VPS54: variants seen among roughly 807,000 people sequenced by gnomAD.
VPS54 encodes the protein vacuolar protein sorting-associated protein 54.
A neutral mutation model predicts 121.5 loss-of-function variants in VPS54; 45 were observed. The observed-to-expected ratio is 0.37, with a 90% CI of 0.29 to 0.47. The LOEUF (loss-of-function observed/expected upper bound fraction) is 0.47, where lower values mean the gene tolerates loss of function less well. Ranked by LOEUF, VPS54 falls within the 20% of genes least tolerant of loss-of-function variation. VPS54 has a pLI of 0.99. For missense variants in VPS54, 1,090 were observed against 1,131.4 expected (o/e 0.96, Z 0.52); for synonymous variants, 371 against 385.8 (o/e 0.96, Z 0.45).
intron 4 of VPS54, among the ~76,000 whole-genome samples, chr2:63,971,413 A>G (rs1171461230): frequency 2.0e-5 from 3 of 152,224 alleles, no homozygotes; most frequent in African/African-American, 4.8e-5. Context: ...TCCTTACCAC[A>G]GCATATAAGG....
chr2:63,894,340 G>A (rs1672350101), intron 22 of VPS54, among the ~76,000 whole-genome samples: 1 of 152,124 alleles, frequency 6.6e-6, no homozygotes, highest in African/African-American at 2.4e-5. Flanking sequence ...CTTCAGTATG[G>A]CATGGTTATA....
Position 63,919,934 on chromosome 2 carries a change from C to T in VPS54, c.2113G>A (p.Val705Ile). 6.2e-7 allele frequency: 1 copy of T among 1,612,062 alleles called. No individual in the cohort carries two copies. The highest frequency in any genetic ancestry group is 8.5e-7 in the Non-Finnish European group (1 of 1,178,674). The change falls in exon 15 of 23, where the codon GTT becomes ATT. Residue 705 changes from valine (V) to isoleucine (I), a missense_variant. Coordinates refer to ENST00000272322, the MANE Select transcript of VPS54 (RefSeq NM_016516.3). ...ADVPAEFQDLVDSLSDGKIAL... is the reference protein window; with the variant it reads ...ADVPAEFQDLIDSLSDGKIAL... ...ATCTTCCCATCTGACAGAGAATCAA[C>T]AAGATCCTGAAATTCTGCAGGAACA...
intron 4 of VPS54, among the ~76,000 whole-genome samples, chr2:63,969,227 T>C (rs1676154234): frequency 1.3e-5 from 2 of 152,054 alleles, no homozygotes; most frequent in Admixed American, 6.5e-5. Context: ...AACAGCAAAA[T>C]ACATCTCAAA....
At chr2:63,950,632 A>C (rs192347916) in intron 7 of VPS54, among the ~76,000 whole-genome samples, 191 of 152,266 alleles carry the variant, frequency 1.3e-3, no homozygotes, top group Non-Finnish European at 1.6e-3. Context: ...TCTCCCTTTG[A>C]AGCTTGTGGG....
intron 6 of VPS54, among the ~76,000 whole-genome samples, chr2:63,965,361 A>G (rs1258242078): frequency 6.6e-6 from 1 of 152,206 alleles, no homozygotes; most frequent in East Asian, 1.9e-4. Flanking sequence ...CTGTAGTCCC[A>G]GCTACTTGGG....
intron 12 of VPS54, 67 bp downstream of exon 12, chr2:63,933,606 A>G (rs763072994): frequency 1.8e-4 from 258 of 1,410,220 alleles, no homozygotes; most frequent in East Asian, 1.8e-4. Flanking sequence ...TGAATAATCA[A>G]TCTTACTGAA....
rs761577128 is a variant in VPS54 at position 63,981,730 on chromosome 2, A to G, written c.294T>C (p.Phe98=). The change falls in exon 3 of 23, where the codon TTT becomes TTC. Residue 98 remains phenylalanine, a synonymous_variant. Coordinates refer to ENST00000272322, the MANE Select transcript of VPS54 (RefSeq NM_016516.3). ...DFFTKTWGLD[F]VDTEVIPSFY... is the part of the protein sequence containing the mutation. ...ATGAAGGTATGACTTCAGTGTCCAC[A>G]AAGTCCAATCCCCATGTTTTTGTGA... is the stretch of plus-strand genomic sequence containing the variant. The G allele has an allele frequency of 3.1e-6, 5 of 1,613,778 alleles. No individual in the cohort carries two copies. The highest frequency in any genetic ancestry group is 4.2e-6 in the Non-Finnish European group (5 of 1,179,780).
intron 21 of VPS54, among the ~76,000 whole-genome samples, chr2:63,899,186 A>G (rs1033103691): frequency 2.0e-5 from 3 of 152,224 alleles, no homozygotes; most frequent in Non-Finnish European, 4.4e-5. Flanking sequence ...CAGCGTAATA[A>G]ATGATGTAAG....
At chr2:63,914,139 T>C in intron 17 of VPS54, 43 bp downstream of exon 17, 2 of 1,484,522 alleles carry the variant, frequency 1.3e-6, no homozygotes, top group Admixed American at 1.7e-5. Context: ...AATGTATTAA[T>C]TCCTCGAAAA....
intron 1 of VPS54, among the ~76,000 whole-genome samples, chr2:63,985,779 A>T (rs1420511991): frequency 6.6e-6 from 1 of 152,124 alleles, no homozygotes; most frequent in East Asian, 1.9e-4. Context: ...GTTTGGTGGC[A>T]AAAGTTCTGT....
In VPS54 at chr2:63,962,432, A is replaced by G. The variant is rs17028275; in HGVS notation, c.636T>C (p.Tyr212=). 81,025 of 1,609,902 alleles carry G rather than the reference A, an allele frequency of 0.05. 5,064 individuals are homozygous for G. The highest frequency in any genetic ancestry group is 0.31 in the African/African-American group (23,020 of 74,808). The change falls in exon 7 of 23, where the codon TAT becomes TAC. Residue 212 remains tyrosine, a synonymous_variant. Coordinates refer to ENST00000272322, the MANE Select transcript of VPS54 (RefSeq NM_016516.3). ...SKLLQEKLSH[Y]LDIVEVNIAH... is the part of the protein sequence containing the mutation. ...CAATGTTTACTTCCACAATATCCAG[A>G]TAATGGCTCAGCTTAAAAGAGAAGG...
chr2:64,017,058 C>T (rs1185129820), intron 1 of VPS54, among the ~76,000 whole-genome samples: 1 of 123,112 alleles, frequency 8.1e-6, no homozygotes, highest in Non-Finnish European at 1.6e-5. Context: ...TGTGATGGGC[C>T]GGGGCCGGGG....
intron 20 of VPS54, among the ~76,000 whole-genome samples, chr2:63,902,944 G>C (rs188569544): frequency 8.7e-4 from 132 of 151,908 alleles, no homozygotes; most frequent in African/African-American, 3.1e-3. Context: ...CTCCAGCCTG[G>C]GCGAAAGAGT....
intron 7 of VPS54, among the ~76,000 whole-genome samples, chr2:63,957,516 T>C (rs1196428171): frequency 6.6e-6 from 1 of 151,458 alleles, no homozygotes; most frequent in East Asian, 1.9e-4. Flanking sequence ...GGTAGTACAA[T>C]CATTCAAAAT....
At chr2:63,967,254 C>A (rs1328366061) in intron 5 of VPS54, among the ~76,000 whole-genome samples, 1 of 152,028 alleles carries the variant, frequency 6.6e-6, no homozygotes, top group African/African-American at 2.4e-5. Flanking sequence ...TAACTAGAGA[C>A]ATGAGTAAAT....
At chr2:63,976,731 T>G (rs1387226293) in intron 3 of VPS54, among the ~76,000 whole-genome samples, 1 of 152,090 alleles carries the variant, frequency 6.6e-6, no homozygotes, top group African/African-American at 2.4e-5. Context: ...GGCATAGAAC[T>G]GTTCACAATA....
chr2:63,962,101 G>GT lies in VPS54; in HGVS notation c.966dup (p.Gln323ThrfsTer23). 1 of 1,598,820 alleles carries GT rather than the reference G, an allele frequency of 6.3e-7. No individual in the cohort carries two copies. Among genetic ancestry groups the GT allele is most frequent in the Non-Finnish European group, 8.6e-7 (1 of 1,167,300 alleles). On this transcript the variant is annotated frameshift_variant, in exon 7 of 23. Coordinates refer to ENST00000272322, the MANE Select transcript of VPS54 (RefSeq NM_016516.3). LOFTEE classifies it high-confidence loss of function. ...TGAAGTTCCTGCTGTAGAACCTCTT[G>GT]TGTTGTTGCTATTAAGTCCAATGCT...
chr2:63,973,353 CAT>C (rs1282280220), intron 3 of VPS54, among the ~76,000 whole-genome samples: 2 of 152,116 alleles, frequency 1.3e-5, no homozygotes, highest in Admixed American at 6.6e-5. Flanking sequence ...ATCTTTTGCT[CAT>C]ATTTTTTAAG....
chr2:63,912,640 T>C lies in VPS54; in HGVS notation c.2444A>G (p.Gln815Arg). Residue 815 changes from glutamine to arginine, a missense_variant, in exon 19 of 23, where the codon CAG (glutamine) becomes CGG (arginine). Gln to Arg is a conservative substitution (Grantham distance 43). This residue lies in a region of VPS54 where 289 missense variants were observed against 374.4 expected (regional missense o/e 0.77). Coordinates refer to ENST00000272322, the MANE Select transcript of VPS54 (RefSeq NM_016516.3). Reference protein sequence around the residue: ...KNLALSSRCLQLIVHYIPVIR... With the variant: ...KNLALSSRCLRLIVHYIPVIR... ...CACAGGAATGTAGTGCACAATTAAC[T>C]GCAAACATCGTGAAGAAAGAGCTGA... is the stretch of plus-strand genomic sequence containing the variant. 6.3e-7 allele frequency: 1 copy of C among 1,576,040 alleles called. No homozygotes were observed.
Sources: gnomAD v4.1 joint callset for allele counts (sites outside exome capture counted in the v4.1 genomes callset) on GRCh38, gnomAD v4.1.1 for gene constraint, gnomAD v4.1.1 regional missense constraint, MANE v1.5 for transcripts, NCBI Gene and HGNC (gene_info 2026-07-23, HGNC 2026-07-21) for gene names.